FAM149A: variants seen among roughly 807,000 people sequenced by gnomAD.
FAM149A encodes family with sequence similarity 149 member A, also known as protein FAM149A.
FAM149A carries 71 observed loss-of-function variants against 78.2 expected under a neutral mutation model. The ratio of observed to expected loss-of-function variants is 0.91; its 90% CI spans 0.75 to 1.11. The LOEUF is 1.11. Among genes scored for constraint, FAM149A ranks in the 50% least tolerant of loss-of-function variants. The pLI, the probability that FAM149A is intolerant of heterozygous loss-of-function variation, is 0.00. For synonymous variants in FAM149A, 446 were observed against 410.5 expected, an observed-to-expected ratio of 1.09 and a Z score of -1.04; for missense variants, 1,036 against 971.0, an observed-to-expected ratio of 1.07 and a Z score of -0.89.
chr4:186,153,552 G>T, intron 4 of FAM149A, 93 bp from the exon 5 acceptor site: 1 of 1,527,450 alleles, frequency 6.5e-7, no homozygotes, highest in Admixed American at 1.8e-5. Flanking sequence ...TCATACACAT[G>T]CCTTCAAAAT....
intron 4 of FAM149A, 60 bp from the exon 5 acceptor site, chr4:186,153,585 C>T: frequency 1.3e-6 from 2 of 1,572,408 alleles, no homozygotes; most frequent in South Asian, 2.3e-5. Flanking sequence ...CTTTTAAAAT[C>T]TCCAAACATT....
intron 1 of FAM149A, among the ~76,000 whole-genome samples, chr4:186,130,624 G>T (rs1048568416): frequency 6.6e-6 from 1 of 151,688 alleles, no homozygotes. Context: ...TTCCCAAAGT[G>T]CTGGGACTAC....
At chr4:186,136,333 A>C (rs1419393996) in intron 1 of FAM149A, among the ~76,000 whole-genome samples, 2 of 152,142 alleles carry the variant, frequency 1.3e-5, no homozygotes, top group Non-Finnish European at 2.9e-5. Context: ...CAAATGTGTA[A>C]AAGTAAAAAA....
At chr4:186,136,348 GA>G (rs1054072128) in intron 1 of FAM149A, among the ~76,000 whole-genome samples, 20 of 152,090 alleles carry the variant, frequency 1.3e-4, no homozygotes, top group Non-Finnish European at 2.6e-4. Context: ...AAAAAAATTG[GA>G]TATTAAAGAA....
At chr4:186,141,472 T>A (rs2099325756) in intron 1 of FAM149A, among the ~76,000 whole-genome samples, 1 of 152,204 alleles carries the variant, frequency 6.6e-6, no homozygotes, top group Non-Finnish European at 1.5e-5. Context: ...TTACATTATA[T>A]TTCTACTGGG....
rs1317051235 is a variant in FAM149A, at chr4:186,104,801, G to C, written c.-276G>C. On this transcript the variant is annotated 5_prime_UTR_variant, in exon 1 of 14. Coordinates refer to ENST00000389354, the MANE Select transcript of FAM149A (RefSeq NM_001367768.3). ...GCGGGCGGCGGCCGCGCTTCCCGGG[G>C]CTCCTGGCCCTTCGGCCCTCGGGGG... is the stretch of plus-strand genomic sequence containing the variant. Among the ~76,000 whole-genome samples the C allele has an allele frequency of 9.9e-5, 15 of 151,594 alleles. No homozygotes were observed. The highest frequency in any genetic ancestry group is 2.2e-4 in the Non-Finnish European group (15 of 67,850).
intron 1 of FAM149A, chr4:186,125,445 G>C: frequency 1.7e-6 from 1 of 584,460 alleles, no homozygotes; most frequent in Non-Finnish European, 2.2e-6. Context: ...TGCCTCTCGG[G>C]AGCTGATCAG....
In FAM149A at chr4:186,144,874, C is replaced by T. The variant is rs1732879570; in HGVS notation, c.567-4299C>T. The T allele has an allele frequency of 1.0e-6, 1 of 977,174 alleles. No homozygotes were observed. The highest frequency in any genetic ancestry group is 4.6e-5 in the South Asian group (1 of 21,928). 60.5% of individuals were successfully genotyped at this position (977,174 alleles called of 1,614,324 possible). On this transcript the variant is annotated intron_variant, in intron 1 of 13. Transcript: ENST00000389354. The surrounding 1 kb of genome is among the most constrained non-coding windows in gnomAD (Gnocchi z 4.2). Reference sequence around the variant, plus strand: ...TCTGGAGAGGGAAGGGGCGTGCGAGCCCCGCGGACCCCGGGCGCGCCCGGG... The same window carrying T: ...TCTGGAGAGGGAAGGGGCGTGCGAGTCCCGCGGACCCCGGGCGCGCCCGGG...
chr4:186,109,613 G>C, intron 1 of FAM149A: 1 of 984,970 alleles, frequency 1.0e-6, no homozygotes, highest in Non-Finnish European at 1.2e-6. Context: ...TTTCTGCATA[G>C]AAGTGCTCCA....
chr4:186,126,214 C>A (rs2126322483), intron 1 of FAM149A: 1 of 442,618 alleles, frequency 2.3e-6, no homozygotes, highest in African/African-American at 2.1e-5. Context: ...AAAAGGATAC[C>A]TTGACATACT....
In FAM149A at chr4:186,105,498, C is replaced by T. The variant is rs1199949903; in HGVS notation, c.422C>T (p.Pro141Leu). The T allele has an allele frequency of 3.4e-6, 4 of 1,187,992 alleles. No homozygotes were observed. The South Asian group carries it at 4.5e-5, about 13-fold the overall frequency. The allele number at this position is 1,187,992 out of a possible 1,614,324, so 73.6% of individuals were successfully genotyped here. A position where few individuals can be genotyped will look rare whatever the true frequency, so the allele number is the denominator to read the frequency against. Residue 141 changes from proline to leucine, a missense_variant, in exon 1 of 14, where the codon CCC becomes CTC. By Grantham distance (98) the Pro-to-Leu change is moderately conservative. Transcript: ENST00000389354. ...CCCGGCGGGGTCTGGGCCGCGCTCC[C>T]CAGGAACCCGCTCCAGCCTGGCCCC... is the stretch of plus-strand genomic sequence containing the variant.
rs1264384160 is a variant in FAM149A at position 186,104,745 on chromosome 4, G to GGCGGCGGGCGGCGA, written c.-319_-318insAGCGGCGGGCGGCG. On this transcript the variant is annotated 5_prime_UTR_variant, in exon 1 of 14. Coordinates refer to ENST00000389354, the MANE Select transcript of FAM149A (RefSeq NM_001367768.3). The stretch of plus-strand genomic sequence containing the variant: ...GGGTGTGTTGAACGTAGCAACCGCG[G>GGCGGCGGGCGGCGA]GCGGCGGGCGGCGGGCGGCGGGCGT... 2.1e-5 allele frequency among the ~76,000 whole-genome samples: 1 copy of GGCGGCGGGCGGCGA among 46,532 alleles called. No individual in the cohort carries two copies. The highest frequency in any genetic ancestry group is 7.0e-5 in the Non-Finnish European group (1 of 14,188). The allele number at this position is 46,532 out of a possible 152,430, so 30.5% of individuals were successfully genotyped here. A position where few individuals can be genotyped will look rare whatever the true frequency, so the allele number is the denominator to read the frequency against.
chr4:186,122,729 C>T (rs779378217), intron 1 of FAM149A: 18 of 320,828 alleles, frequency 5.6e-5, no homozygotes, highest in Non-Finnish European at 7.2e-5. Context: ...CTGACCTCAA[C>T]AGAAATGTTA....
intron 1 of FAM149A, among the ~76,000 whole-genome samples, chr4:186,142,177 G>A (rs575853714): frequency 6.6e-6 from 1 of 152,348 alleles, no homozygotes; most frequent in East Asian, 1.9e-4. Flanking sequence ...GCAGGAGCCT[G>A]CTGGAACCCG....
At chr4:186,122,909 T>G (rs2099316691) in intron 1 of FAM149A, 1 of 241,284 alleles carries the variant, frequency 4.1e-6, no homozygotes, top group Non-Finnish European at 6.7e-6. Flanking sequence ...ATTTCCACCT[T>G]TCTTGAAAGC....
At chr4:186,109,558 C>T (rs2099310347) in intron 1 of FAM149A, 5 of 985,322 alleles carry the variant, frequency 5.1e-6, no homozygotes, top group South Asian at 4.7e-5. Context: ...TCATTTCTTC[C>T]CTAGCTGTAG....
At position 186,154,595 on chromosome 4, in the gene FAM149A, G is replaced by A. The variant is rs1198303425; in HGVS notation, c.1186G>A (p.Asp396Asn). 1 of 1,614,158 alleles carries A rather than the reference G, an allele frequency of 6.2e-7. No individual in the cohort carries two copies. The highest frequency in any genetic ancestry group is 1.3e-5 in the African/African-American group (1 of 75,044). The change falls in exon 6 of 14, where the codon GAT (aspartate) becomes AAT (asparagine). Residue 396 changes from aspartate to asparagine, a missense_variant. This residue lies in a region of FAM149A where 716 missense variants were observed against 711.8 expected (regional missense o/e 1.01). Coordinates refer to ENST00000389354, the MANE Select transcript of FAM149A (RefSeq NM_001367768.3). ...CCTGGAAGAAGAGGTTTACCATGTG[G>A]ATGGAAAGATTGAGGAGTATTTCGC...
At position 186,145,811 on chromosome 4, in the gene FAM149A, C is replaced by G. The variant is rs190597756; in HGVS notation, c.567-3362C>G. On this transcript the variant is annotated intron_variant, in intron 1 of 13. Transcript: ENST00000389354. ...AGCTTCATGGACATGCCACCATATT[C>G]AAGTTTTAAAATACCTGTGGGATGC... Among the ~76,000 whole-genome samples, 471 of 152,254 alleles carry G rather than the reference C, an allele frequency of 3.1e-3. 11 individuals carry two copies. Among genetic ancestry groups the G allele is most frequent in the Non-Finnish European group, 3.7e-4 (25 of 68,006 alleles).
chr4:186,136,988 C>G (rs797005505), intron 1 of FAM149A, among the ~76,000 whole-genome samples: 3 of 121,602 alleles, frequency 2.5e-5, no homozygotes, highest in African/African-American at 9.3e-5. Context: ...CTCTCTCTCT[C>G]TCTCTCTCTC....
Sources: allele counts gnomAD v4.1 joint callset (sites outside exome capture counted in the v4.1 genomes callset), GRCh38; gene constraint gnomAD v4.1.1; regional missense constraint gnomAD v4.1.1; non-coding constraint Gnocchi (gnomAD v3.1); transcripts MANE v1.5; gene names NCBI Gene and HGNC (gene_info 2026-07-23, HGNC 2026-07-21).